Variants in TAB1 observed in about 807,000 individuals in gnomAD.
TAB1 encodes TGF-beta-activated kinase 1 and MAP3K7-binding protein 1.
In TAB1, 30 loss-of-function variants were observed where a neutral mutation model predicts 54.5. That is an observed-to-expected ratio of 0.55 (90% confidence interval 0.41 to 0.75). The LOEUF is 0.75. Among genes scored for constraint, TAB1 ranks in the 30% least tolerant of loss-of-function variants. The pLI, the probability that TAB1 is intolerant of heterozygous loss-of-function variation, is 0.00. For synonymous variants in TAB1, 289 were observed against 286.9 expected (o/e 1.01, Z -0.07); for missense variants, 609 against 683.2 (o/e 0.89, Z 1.21).
intron 8 of TAB1, among the ~76,000 whole-genome samples, chr22:39,424,784 CA>C (rs1025126224): frequency 6.6e-6 from 1 of 152,104 alleles, no homozygotes; most frequent in African/African-American, 2.4e-5. Context: ...ATAAGCTTAC[CA>C]TTCCTTCCAG....
At chr22:39,425,799 G>A (rs1927305020) in intron 8 of TAB1, among the ~76,000 whole-genome samples, 1 of 151,626 alleles carries the variant, frequency 6.6e-6, no homozygotes, top group African/African-American at 2.4e-5. Flanking sequence ...GCCTGCCTCA[G>A]AATCCCAAAG....
chr22:39,433,855 G>A, downstream of TAB1: 2 of 982,270 alleles, frequency 2.0e-6, no homozygotes, highest in Non-Finnish European at 2.4e-6. Context: ...TGCCCCCTCT[G>A]GAAAGAGCCC....
chr22:39,424,582 C>G (rs554486812), intron 8 of TAB1, among the ~76,000 whole-genome samples: 5 of 151,694 alleles, frequency 3.3e-5, no homozygotes, highest in African/African-American at 1.2e-4. Context: ...GTAGCTGGGA[C>G]TACAGGCATG....
rs367869966 is a variant in TAB1 at position 39,430,148 on chromosome 22, T to C, written c.1441T>C (p.Tyr481His). ...TGGCGAGGACGGTCGTGTTGAGCCC[T>C]ATGTGGACTTTGCTGAGTTTTACCG... The part of the protein sequence containing the change: ...PPGEDGRVEP[Y>H]VDFAEFYRLW... Residue 481 changes from tyrosine (Y) to histidine (H), a missense_variant, in exon 11 of 11, where the codon TAT becomes CAT. Transcript: ENST00000216160. The C allele has an allele frequency of 6.2e-6, 10 of 1,613,890 alleles. No individual in the cohort carries two copies. The highest frequency in any genetic ancestry group is 8.5e-6 in the Non-Finnish European group (10 of 1,180,046).
At chr22:39,400,171 A>G (rs905020228) in intron 1 of TAB1, among the ~76,000 whole-genome samples, 2 of 152,222 alleles carry the variant, frequency 1.3e-5, no homozygotes, top group Non-Finnish European at 2.9e-5. Context: ...CAGACGTGCA[A>G]TGATAATAAC....
chr22:39,426,932 G>C lies in TAB1; in HGVS notation c.1144+7G>C, dbSNP rs1396776556. ...ACACCGAGCCCAGCCCCAGGTACGT[G>C]TGCTGTGCAGACAGGCAGTGCCTGG... On this transcript the variant is annotated splice_region_variant and intron_variant, in intron 9 of 10. Coordinates refer to ENST00000216160, the MANE Select transcript of TAB1 (RefSeq NM_006116.3). The C allele has an allele frequency of 6.2e-7, 1 of 1,608,944 alleles. No homozygotes were observed.
chr22:39,423,520 G>T (rs889700718), intron 8 of TAB1, among the ~76,000 whole-genome samples: 4 of 152,114 alleles, frequency 2.6e-5, no homozygotes, highest in African/African-American at 4.8e-5. Flanking sequence ...CAGGAGAATC[G>T]CTTGAACCCG....
At chr22:39,417,186 C>G (rs35843516) in intron 4 of TAB1, among the ~76,000 whole-genome samples, 1 of 152,208 alleles carries the variant, frequency 6.6e-6, no homozygotes. Context: ...CCACCTGCAG[C>G]GCTTACCTCT....
chr22:39,435,429 G>A (rs1404711713), downstream of TAB1, among the ~76,000 whole-genome samples: 2 of 152,104 alleles, frequency 1.3e-5, no homozygotes, highest in African/African-American at 2.4e-5. Flanking sequence ...CTGGGAGCTT[G>A]CAAAGCCTTC....
In TAB1 at chr22:39,418,787, G is replaced by A. The variant is rs369780101; in HGVS notation, c.606G>A (p.Gln202=). 2.8e-5 allele frequency: 46 copies of A among 1,614,084 alleles called. No homozygotes were observed. The highest frequency in any genetic ancestry group is 3.6e-5 in the Non-Finnish European group (43 of 1,180,030). ...KSTVDGLQVT[Q]LNVDHTTENE... ...CAGTGGATGGGTTGCAGGTGACACAGCTGAACGTGGACCACACCACAGAGA... is the reference window on the plus strand; with the variant it reads ...CAGTGGATGGGTTGCAGGTGACACAACTGAACGTGGACCACACCACAGAGA... The change falls in exon 6 of 11, where the codon CAG becomes CAA. Residue 202 remains glutamine, a synonymous_variant. Coordinates refer to ENST00000216160, the MANE Select transcript of TAB1 (RefSeq NM_006116.3).
intron 7 of TAB1, among the ~76,000 whole-genome samples, chr22:39,420,595 T>C (rs1927026627): frequency 6.6e-6 from 1 of 152,172 alleles, no homozygotes; most frequent in Non-Finnish European, 1.5e-5. Context: ...GGGGTCCTGT[T>C]TCCTTTATTG....
At chr22:39,403,249 T>C (rs1601681031) in intron 1 of TAB1, among the ~76,000 whole-genome samples, 1 of 152,224 alleles carries the variant, frequency 6.6e-6, no homozygotes, top group African/African-American at 2.4e-5. Context: ...TTTTGTAATA[T>C]CCAAACTACA....
At chr22:39,420,962 G>A (rs979843425) in intron 7 of TAB1, among the ~76,000 whole-genome samples, 2 of 141,910 alleles carry the variant, frequency 1.4e-5, no homozygotes, top group Admixed American at 1.4e-4. Context: ...CATCCTTTTC[G>A]GAACACCCAG....
At chr22:39,425,873 CTT>C (rs756738890) in intron 8 of TAB1, among the ~76,000 whole-genome samples, 39 of 134,520 alleles carry the variant, frequency 2.9e-4, no homozygotes, top group Admixed American at 3.8e-4. Context: ...ACGATATTTT[CTT>C]TTTTTTTTTT....
In TAB1 at chr22:39,424,438, CTTTTTTTTTTTTTT is replaced by C. The variant is rs762665225; in HGVS notation, c.922-2254_922-2241del. On this transcript the variant is annotated intron_variant, in intron 8 of 10. Transcript: ENST00000216160. ...TCCCCTGTTCCCTGTGTTCTGATTT[CTTTTTTTTTTTTTT>C]TTTTTTTTTTGAGATGGAGTCTTGC... Among the ~76,000 whole-genome samples, 8 of 89,462 alleles carry C rather than the reference CTTTTTTTTTTTTTT, an allele frequency of 8.9e-5. No homozygotes were observed. In the Middle Eastern group the frequency reaches 0.035, roughly 392 times the overall value. The allele number at this position is 89,462 out of a possible 152,430, so 58.7% of individuals were successfully genotyped here. A position where few individuals can be genotyped will look rare whatever the true frequency, so the allele number is the denominator to read the frequency against.
chr22:39,434,863 C>G (rs1021030291), downstream of TAB1, among the ~76,000 whole-genome samples: 3 of 152,252 alleles, frequency 2.0e-5, no homozygotes, highest in Admixed American at 2.0e-4. Flanking sequence ...CTGCACTCGG[C>G]ATTTCAGTAA....
At chr22:39,417,991 TC>T in intron 5 of TAB1, 142 bp downstream of exon 5, 1 of 1,100,104 alleles carries the variant, frequency 9.1e-7, no homozygotes, top group Non-Finnish European at 1.2e-6. Flanking sequence ...TATGTCCCTC[TC>T]CACAGTGACG....
Position 39,431,281 on chromosome 22 carries a change from T to C in TAB1, c.*1059T>C, listed in dbSNP as rs568165990. On this transcript the variant is annotated 3_prime_UTR_variant, in exon 11 of 11. Coordinates refer to ENST00000216160, the MANE Select transcript of TAB1 (RefSeq NM_006116.3). Reference sequence around the variant, plus strand: ...GACTATTTCCCACATGTTCTCTGCCTTCAGTGGGGAGGGGGTGCCACCAGG... The same window carrying C: ...GACTATTTCCCACATGTTCTCTGCCCTCAGTGGGGAGGGGGTGCCACCAGG... The C allele has an allele frequency of 1.0e-6, 1 of 985,556 alleles. No individual in the cohort carries two copies. The highest frequency in any genetic ancestry group is 1.1e-4 in the East Asian group (1 of 8,826). 61.1% of individuals were successfully genotyped at this position (985,556 alleles called of 1,614,324 possible).
In TAB1 at chr22:39,425,841, C is replaced by T. The variant is rs552808448; in HGVS notation, c.922-862C>T. Among the ~76,000 whole-genome samples the T allele has an allele frequency of 1.4e-3, 205 of 151,600 alleles. 1 individual carries two copies. The highest frequency in any genetic ancestry group is 2.6e-3 in the Admixed American group (40 of 15,226). On this transcript the variant is annotated intron_variant, in intron 8 of 10. Coordinates refer to ENST00000216160, the MANE Select transcript of TAB1 (RefSeq NM_006116.3). The stretch of plus-strand genomic sequence containing the variant: ...GATTACAGGTGTGAGCCACCACGCC[C>T]GGCCAAATGCTTTTTCAACTTACGA...
Sources: allele counts gnomAD v4.1 joint callset (sites outside exome capture counted in the v4.1 genomes callset), GRCh38; gene constraint gnomAD v4.1.1; transcripts MANE v1.5; gene names NCBI Gene and HGNC (gene_info 2026-07-23, HGNC 2026-07-21).